The following FBXL17 variants were observed in gnomAD, a reference collection of about 807,000 sequenced individuals.
The protein encoded by FBXL17 is F-box/LRR-repeat protein 17.
FBXL17 carries 22 observed loss-of-function variants against 66.2 expected under a neutral mutation model. The observed-to-expected ratio is 0.33, with a 90% CI of 0.24 to 0.47. The LOEUF is 0.47. Among genes scored for constraint, FBXL17 ranks in the 20% least tolerant of loss-of-function variants. The pLI, the probability that FBXL17 is intolerant of heterozygous loss-of-function variation, is 1.00. For missense variants in FBXL17, 878 were observed against 948.2 expected (o/e 0.93, Z 0.97); for synonymous variants, 474 against 400.5 (o/e 1.18, Z -2.19).
intron 6 of FBXL17, among the ~76,000 whole-genome samples, chr5:108,085,530 G>C (rs1280713445): frequency 6.6e-6 from 1 of 152,216 alleles, no homozygotes; most frequent in Non-Finnish European, 1.5e-5. Flanking sequence ...TGAACCCCAT[G>C]TGGTCCAGGC....
At position 107,859,388 on chromosome 5, in the gene FBXL17, CTGTT is replaced by C. The variant is rs1748058045; in HGVS notation, c.*2328_*2331del. ...CACTCAAGGTGATGCTTTTTTCTGGCTGTTTTTTTTTTTTTTTTTTTTTTTTTTT... is the reference window on the plus strand; with the variant it reads ...CACTCAAGGTGATGCTTTTTTCTGGCTTTTTTTTTTTTTTTTTTTTTTTTT... On this transcript the variant is annotated 3_prime_UTR_variant, in exon 9 of 9. Transcript: ENST00000542267. 2.9e-5 allele frequency: 2 copies of C among 68,462 alleles called. No homozygotes were observed. The highest frequency in any genetic ancestry group is 6.0e-5 in the Non-Finnish European group (2 of 33,102). 4.2% of individuals were successfully genotyped at this position (68,462 alleles called of 1,614,324 possible).
chr5:108,172,397 C>T (rs1057208351), intron 6 of FBXL17, among the ~76,000 whole-genome samples: 2 of 152,150 alleles, frequency 1.3e-5, no homozygotes, highest in African/African-American at 2.4e-5. Flanking sequence ...AAAGACTCCA[C>T]CTTTTGATGG....
intron 7 of FBXL17, among the ~76,000 whole-genome samples, chr5:107,950,381 T>C (rs773034599): frequency 2.0e-5 from 3 of 152,188 alleles, no homozygotes; most frequent in Non-Finnish European, 4.4e-5. Flanking sequence ...AAAAGTTTAA[T>C]TGGAAGTTAT....
chr5:108,338,359 C>T (rs369177762), intron 4 of FBXL17, among the ~76,000 whole-genome samples: 7 of 151,928 alleles, frequency 4.6e-5, no homozygotes, highest in African/African-American at 9.7e-5. Context: ...AAGAAGGACT[C>T]GGATTTACAA....
intron 7 of FBXL17, among the ~76,000 whole-genome samples, chr5:107,975,541 T>G (rs1011314711): frequency 2.0e-5 from 3 of 152,200 alleles, no homozygotes; most frequent in Non-Finnish European, 4.4e-5. Context: ...AGGTGAAATC[T>G]TAAAATGAAT....
At chr5:108,191,558 CA>C (rs1229303884) in intron 5 of FBXL17, among the ~76,000 whole-genome samples, 1 of 152,200 alleles carries the variant, frequency 6.6e-6, no homozygotes, top group Non-Finnish European at 1.5e-5. Flanking sequence ...TGAGTGTCAA[CA>C]AGGCTGGGAT....
chr5:108,068,152 TCTTTA>T (rs1452357957), intron 6 of FBXL17, among the ~76,000 whole-genome samples: 1 of 152,210 alleles, frequency 6.6e-6, no homozygotes, highest in Admixed American at 6.5e-5. Context: ...CTTTTTAGAT[TCTTTA>T]CTTAAAAAAA....
intron 4 of FBXL17, among the ~76,000 whole-genome samples, chr5:108,282,171 T>C (rs931272825): frequency 2.0e-5 from 3 of 151,866 alleles, no homozygotes; most frequent in Non-Finnish European, 2.9e-5. Context: ...AAACTCACTA[T>C]ATGAATCCAG....
chr5:108,298,486 C>G, intron 4 of FBXL17: 1 of 975,016 alleles, frequency 1.0e-6, no homozygotes, highest in Non-Finnish European at 1.2e-6. Flanking sequence ...ATCTAAAGCC[C>G]TAAGTTTTTC....
intron 6 of FBXL17, among the ~76,000 whole-genome samples, chr5:108,148,489 T>TCA (rs1163920777): frequency 6.6e-6 from 1 of 152,226 alleles, no homozygotes; most frequent in Non-Finnish European, 1.5e-5. Flanking sequence ...GGTTCATGAA[T>TCA]CACTGTCTGT....
Position 108,380,896 on chromosome 5 carries a change from T to C in FBXL17, c.796A>G (p.Thr266Ala), listed in dbSNP as rs970190403. Reference sequence around the variant, plus strand: ...GCTTCGGTGGGGGCACCTTCGGAGGTGGGAGAAGAGGGCGGAGGGCAGAGC... The same window carrying C: ...GCTTCGGTGGGGGCACCTTCGGAGGCGGGAGAAGAGGGCGGAGGGCAGAGC... ...QPLCPPPSSP[T>A]SEGAPTEAGG... Residue 266 changes from threonine to alanine, a missense_variant, in exon 1 of 9, where the codon ACC becomes GCC. By Grantham distance (58) the Thr-to-Ala change is moderately conservative. Around this residue, in one of 4 missense-constraint regions of FBXL17, gnomAD observed 605 missense variants for 509.5 expected, o/e 1.19. Coordinates refer to ENST00000542267, the MANE Select transcript of FBXL17 (RefSeq NM_001163315.3). 2.4e-6 allele frequency: 3 copies of C among 1,233,868 alleles called. No homozygotes were observed. Among genetic ancestry groups the C allele is most frequent in the African/African-American group, 3.1e-5 (2 of 63,618 alleles). The allele number at this position is 1,233,868 out of a possible 1,614,324, so 76.4% of individuals were successfully genotyped here.
intron 6 of FBXL17, among the ~76,000 whole-genome samples, chr5:108,076,546 G>A (rs1748553789): frequency 7.8e-6 from 1 of 128,868 alleles, no homozygotes; most frequent in African/African-American, 2.7e-5. Flanking sequence ...AGCATAAAAT[G>A]TGATTTTTTT....
intron 8 of FBXL17, among the ~76,000 whole-genome samples, chr5:107,873,666 T>G (rs568438789): frequency 2.4e-4 from 36 of 152,222 alleles, no homozygotes; most frequent in Admixed American, 9.2e-4. Context: ...TGATTAAGAG[T>G]TCTGGGATCT....
In FBXL17 at chr5:108,026,181, C is replaced by T. The variant is rs148721440; in HGVS notation, c.1746-5180G>A. On this transcript the variant is annotated intron_variant, in intron 6 of 8. Transcript: ENST00000542267. ...TAATCAAGTATCTATTAATAGTATG[C>T]TTCCCCTTAATACATTTGAATACAA... 1.0e-3 allele frequency among the ~76,000 whole-genome samples: 155 copies of T among 152,270 alleles called. 1 individual carries two copies. Among genetic ancestry groups the T allele is most frequent in the African/African-American group, 3.7e-3 (153 of 41,568 alleles).
chr5:108,151,075 C>T (rs1053104348), intron 6 of FBXL17, among the ~76,000 whole-genome samples: 2 of 152,080 alleles, frequency 1.3e-5, no homozygotes, highest in Admixed American at 1.3e-4. Flanking sequence ...TTTCGTGAGG[C>T]CTATAGTTTT....
chr5:108,209,077 C>T (rs536506809), intron 5 of FBXL17, among the ~76,000 whole-genome samples: 48 of 151,912 alleles, frequency 3.2e-4, no homozygotes, highest in Non-Finnish European at 5.1e-4. Context: ...GTAGCAATTG[C>T]GAATGTGAGT....
chr5:107,942,354 G>A (rs191188936), intron 7 of FBXL17, among the ~76,000 whole-genome samples: 58 of 152,172 alleles, frequency 3.8e-4, no homozygotes, highest in Admixed American at 9.2e-4. Flanking sequence ...TTTTTCAAAC[G>A]TGTGTGTTCC....
intron 7 of FBXL17, among the ~76,000 whole-genome samples, chr5:107,989,104 C>T (rs185264450): frequency 1.2e-3 from 185 of 152,092 alleles, no homozygotes; most frequent in Non-Finnish European, 2.1e-3. Flanking sequence ...TTGAGATATT[C>T]GTCACCCTAA....
At chr5:107,971,413 A>AT (rs1464756100) in intron 7 of FBXL17, among the ~76,000 whole-genome samples, 3 of 152,152 alleles carry the variant, frequency 2.0e-5, no homozygotes, top group African/African-American at 7.2e-5. Flanking sequence ...TGCCACATTG[A>AT]TTGTAGTATA....
Sources: allele counts gnomAD v4.1 joint callset (sites outside exome capture counted in the v4.1 genomes callset), GRCh38; gene constraint gnomAD v4.1.1; regional missense constraint gnomAD v4.1.1; transcripts MANE v1.5; gene names NCBI Gene and HGNC (gene_info 2026-07-23, HGNC 2026-07-21).